SMAD2: variants seen among roughly 807,000 people sequenced by gnomAD.
SMAD2 encodes the protein MAD homolog 2.
SMAD2 carries 8 observed loss-of-function variants against 64.4 expected under a neutral mutation model. The ratio of observed to expected loss-of-function variants is 0.12; its 90% confidence interval spans 0.07 to 0.22. SMAD2 has a LOEUF of 0.22. Ranked by LOEUF, SMAD2 falls within the 10% of genes least tolerant of loss-of-function variation. SMAD2 has a pLI of 1.00. For synonymous variants in SMAD2, 203 were observed against 195.8 expected, an observed-to-expected ratio of 1.04 and a Z score of -0.31; for missense variants, 289 against 561.2, an observed-to-expected ratio of 0.51 and a Z score of 4.90.
chr18:47,921,084 G>T (rs1403183840), intron 1 of SMAD2, among the ~76,000 whole-genome samples: 1 of 152,146 alleles, frequency 6.6e-6, no homozygotes, highest in African/African-American at 2.4e-5. Flanking sequence ...TTGACCCCTG[G>T]CAGTCAAGGT....
intron 3 of SMAD2, 107 bp from the exon 4 acceptor site, chr18:47,869,543 G>A (rs1373203690): frequency 5.1e-6 from 4 of 789,646 alleles, no homozygotes; most frequent in East Asian, 2.7e-5. Context: ...AGAAAAGAAT[G>A]ACAGCCATTT....
chr18:47,850,268 A>C, intron 7 of SMAD2, among the ~76,000 whole-genome samples: 1 of 71,696 alleles, frequency 1.4e-5, no homozygotes, highest in Non-Finnish European at 2.3e-5. Context: ...TGTATAATAT[A>C]TATTATATAT....
rs1157288492 is a variant in SMAD2, at chr18:47,828,895, C to G, written c.*12932G>C. The G allele has an allele frequency of 6.8e-6, 1 of 147,748 alleles. No individual in the cohort carries two copies. Among genetic ancestry groups the G allele is most frequent in the African/African-American group, 2.5e-5 (1 of 39,512 alleles). 9.2% of individuals were successfully genotyped at this position (147,748 alleles called of 1,614,324 possible). A position where few individuals can be genotyped will look rare whatever the true frequency, so the allele number is the denominator to read the frequency against. ...CTATTGTCCTATGACCCTGCCACAT[C>G]CCCCTCTCCGAGAAACACCCAAGAA... is the stretch of plus-strand genomic sequence containing the variant. On this transcript the variant is annotated 3_prime_UTR_variant, in exon 11 of 11. Transcript: ENST00000262160.
At chr18:47,888,682 T>C (rs975422082) in intron 2 of SMAD2, among the ~76,000 whole-genome samples, 1 of 152,206 alleles carries the variant, frequency 6.6e-6, no homozygotes, top group Non-Finnish European at 1.5e-5. Flanking sequence ...CTTCTCTCTA[T>C]CTACCTGGTA....
At chr18:47,926,983 A>G (rs990283593) in intron 1 of SMAD2, among the ~76,000 whole-genome samples, 1 of 152,200 alleles carries the variant, frequency 6.6e-6, no homozygotes. Context: ...GAGAAACAAA[A>G]TATTAGGCTA....
Position 47,838,123 on chromosome 18 carries a change from G to A in SMAD2, c.*3704C>T. On this transcript the variant is annotated 3_prime_UTR_variant, in exon 11 of 11. Transcript: ENST00000262160. ...TAGCAAGAGACTAAGACTGATGTTT[G>A]TTTGTTTGTTTTACCTTCAAAGTCT... 8.6e-6 allele frequency: 2 copies of A among 232,898 alleles called. No individual in the cohort carries two copies. Among genetic ancestry groups the A allele is most frequent in the Admixed American group, 1.1e-4 (2 of 17,758 alleles). 14.4% of individuals were successfully genotyped at this position (232,898 alleles called of 1,614,324 possible). A position where few individuals can be genotyped will look rare whatever the true frequency, so the allele number is the denominator to read the frequency against.
chr18:47,863,757 T>C (rs984504627), intron 6 of SMAD2, among the ~76,000 whole-genome samples: 4 of 152,176 alleles, frequency 2.6e-5, no homozygotes, highest in African/African-American at 9.7e-5. Context: ...GCATAAATGG[T>C]CATGTACAAG....
chr18:47,919,562 C>G (rs1290207601), intron 1 of SMAD2, among the ~76,000 whole-genome samples: 1 of 151,150 alleles, frequency 6.6e-6, no homozygotes, highest in Admixed American at 6.6e-5. Flanking sequence ...TGAAGGCAAT[C>G]CCTAATATGC....
At chr18:47,882,577 G>C (rs2032671195) in intron 2 of SMAD2, 1 of 152,178 alleles carries the variant, frequency 6.6e-6, no homozygotes, top group South Asian at 2.1e-4. Flanking sequence ...TCTCATGTAT[G>C]TTAGTGATAT....
At chr18:47,888,472 C>T (rs2033023665) in intron 2 of SMAD2, among the ~76,000 whole-genome samples, 1 of 152,178 alleles carries the variant, frequency 6.6e-6, no homozygotes. Flanking sequence ...AGAGCTCATA[C>T]TTTCAAAGTC....
intron 6 of SMAD2, among the ~76,000 whole-genome samples, chr18:47,853,740 GAAAAATCTGCTGGCAAGTC>G (rs1476806660): frequency 6.6e-6 from 1 of 151,572 alleles, no homozygotes; most frequent in African/African-American, 2.4e-5. Context: ...TTCTCAGTTT[GAAAAATCTGCTGGCAAGTC>G]ACAAATCTGC....
chr18:47,852,227 A>C (rs1162335704), intron 6 of SMAD2, among the ~76,000 whole-genome samples: 1 of 152,150 alleles, frequency 6.6e-6, no homozygotes, highest in Non-Finnish European at 1.5e-5. Flanking sequence ...ACAAATATTT[A>C]ATCATTGGTC....
In SMAD2 at chr18:47,818,683, C is replaced by T. The variant is rs1195252249; in HGVS notation, c.*23144G>A. 1 of 152,050 alleles carries T rather than the reference C, an allele frequency of 6.6e-6. No homozygotes were observed. The highest frequency in any genetic ancestry group is 1.5e-5 in the Non-Finnish European group (1 of 68,024). The allele number at this position is 152,050 out of a possible 1,614,324, so 9.4% of individuals were successfully genotyped here. A position where few individuals can be genotyped will look rare whatever the true frequency, so the allele number is the denominator to read the frequency against. On this transcript the variant is annotated 3_prime_UTR_variant, in exon 11 of 11. Coordinates refer to ENST00000262160, the MANE Select transcript of SMAD2 (RefSeq NM_005901.6). ...TCTTATACAATTCAGCCAGTCCTAG[C>T]TAAAAATGTAAGCATTTAAATATTA...
At chr18:47,924,108 C>T (rs922301409) in intron 1 of SMAD2, among the ~76,000 whole-genome samples, 1 of 151,926 alleles carries the variant, frequency 6.6e-6, no homozygotes, top group African/African-American at 2.4e-5. Flanking sequence ...ATTAGCCGGA[C>T]ATGGTGGCGC....
At chr18:47,922,358 T>C (rs80230757) in intron 1 of SMAD2, among the ~76,000 whole-genome samples, 2,747 of 152,322 alleles carry the variant, frequency 0.018, 34 homozygotes, top group Non-Finnish European at 0.029. Flanking sequence ...TCCAAATACA[T>C]GGATTAAACC....
intron 6 of SMAD2, among the ~76,000 whole-genome samples, chr18:47,858,934 A>T (rs1045901261): frequency 6.6e-6 from 1 of 152,128 alleles, no homozygotes; most frequent in Non-Finnish European, 1.5e-5. Context: ...TCTAAATATA[A>T]GCGGACTAAA....
chr18:47,864,121 T>C (rs187829258), intron 6 of SMAD2, among the ~76,000 whole-genome samples: 1 of 152,310 alleles, frequency 6.6e-6, no homozygotes, highest in East Asian at 1.9e-4. Context: ...GTAAAACATA[T>C]GTGGAAAGTC....
rs76235222 is a variant in SMAD2 at position 47,833,809 on chromosome 18, G to A, written c.*8018C>T. 469 of 230,852 alleles carry A rather than the reference G, an allele frequency of 2.0e-3. 4 individuals carry two copies. In the East Asian group the frequency reaches 0.024, roughly 12 times the overall value. 14.3% of individuals were successfully genotyped at this position (230,852 alleles called of 1,614,324 possible). ...ACTGGGAAATGCAGTAGACGCCAGAGCATCAAAGGCCATGTATTTCCTCAC... is the reference window on the plus strand; with the variant it reads ...ACTGGGAAATGCAGTAGACGCCAGAACATCAAAGGCCATGTATTTCCTCAC... On this transcript the variant is annotated 3_prime_UTR_variant, in exon 11 of 11. Transcript: ENST00000262160.
At chr18:47,874,975 G>A (rs2032183129) in intron 2 of SMAD2, among the ~76,000 whole-genome samples, 1 of 152,054 alleles carries the variant, frequency 6.6e-6, no homozygotes, top group African/African-American at 2.4e-5. Flanking sequence ...AAAAGATATG[G>A]TTCTAAAACA....
Sources: gnomAD v4.1 joint callset for allele counts (sites outside exome capture counted in the v4.1 genomes callset) on GRCh38, gnomAD v4.1.1 for gene constraint, MANE v1.5 for transcripts, NCBI Gene and HGNC (gene_info 2026-07-23, HGNC 2026-07-21) for gene names.